TENT5C: variants seen among roughly 807,000 people sequenced by gnomAD.
TENT5C encodes the protein terminal nucleotidyltransferase 5C.
TENT5C carries 5 observed loss-of-function variants against 22.2 expected under a neutral mutation model. The observed-to-expected ratio is 0.22, with a 90% confidence interval of 0.12 to 0.47. The LOEUF (loss-of-function observed/expected upper bound fraction) is 0.47, where lower values mean the gene tolerates loss of function less well. Among genes scored for constraint, TENT5C ranks in the 20% least tolerant of loss-of-function variants. The pLI is 0.99. For missense variants in TENT5C, 364 were observed against 500.9 expected (o/e 0.73, Z 2.61); for synonymous variants, 199 against 195.4 (o/e 1.02, Z -0.15).
chr1:117,616,544 G>A (rs1351298220), intron 1 of TENT5C, among the ~76,000 whole-genome samples: 3 of 152,204 alleles, frequency 2.0e-5, no homozygotes, highest in Non-Finnish European at 4.4e-5. Context: ...CTGTTGGCCA[G>A]GAGCCAGGGC....
At chr1:117,611,048 C>G (rs1264635719) in intron 1 of TENT5C, among the ~76,000 whole-genome samples, 1 of 152,198 alleles carries the variant, frequency 6.6e-6, no homozygotes, top group Non-Finnish European at 1.5e-5. Flanking sequence ...AGAGGTAACC[C>G]TCCACCTTTC....
intron 1 of TENT5C, among the ~76,000 whole-genome samples, chr1:117,611,401 A>T (rs1653669104): frequency 6.6e-6 from 1 of 152,128 alleles, no homozygotes; most frequent in African/African-American, 2.4e-5. Flanking sequence ...CTGTGGGGAG[A>T]CCTGGGCTCT....
intron 1 of TENT5C, among the ~76,000 whole-genome samples, chr1:117,616,585 T>G (rs1210820062): frequency 6.6e-6 from 1 of 152,180 alleles, no homozygotes; most frequent in African/African-American, 2.4e-5. Context: ...GGTACACACT[T>G]CTCTTGGAGT....
chr1:117,623,622 G>C lies in TENT5C; in HGVS notation c.754G>C (p.Val252Leu), dbSNP rs915278770. 24 of 1,613,408 alleles carry C rather than the reference G, an allele frequency of 1.5e-5. No individual in the cohort carries two copies. The highest frequency in any genetic ancestry group is 1.9e-5 in the Non-Finnish European group (23 of 1,179,942). Reference protein sequence around the residue: ...GGLLKYSNLLVRDFRPTDQEE... With the variant: ...GGLLKYSNLLLRDFRPTDQEE... ...ACTTCTCAAGTACAGCAACCTTCTT[G>C]TGCGGGACTTCAGGCCCACAGACCA... Residue 252 changes from valine (V) to leucine (L), a missense_variant, in exon 2 of 2, where the codon GTG (valine) becomes CTG (leucine). Val to Leu is a conservative substitution (Grantham distance 32). Transcript: ENST00000369448.
At chr1:117,619,231 C>T (rs766054812) in intron 1 of TENT5C, among the ~76,000 whole-genome samples, 10 of 152,052 alleles carry the variant, frequency 6.6e-5, no homozygotes, top group Non-Finnish European at 1.3e-4. Context: ...GTCTTGTGTC[C>T]GGAGAGAGCC....
At position 117,623,163 on chromosome 1, in the gene TENT5C, C is replaced by T. The variant is rs1302106502; in HGVS notation, c.295C>T (p.Leu99Phe). ...CCTGGACCTAATCTTCCATGTGGCT[C>T]TTCCAACAGAGGCAGAATTTCAGCT... is the stretch of plus-strand genomic sequence containing the variant. ...KDLDLIFHVA[L>F]PTEAEFQLVR... Residue 99 changes from leucine (L) to phenylalanine (F), a missense_variant, in exon 2 of 2, where the codon CTT becomes TTT. Around this residue, in one of 3 missense-constraint regions of TENT5C, gnomAD observed 303 missense variants for 394.5 expected, o/e 0.77. Coordinates refer to ENST00000369448, the MANE Select transcript of TENT5C (RefSeq NM_017709.4). The T allele has an allele frequency of 3.7e-6, 6 of 1,614,186 alleles. No individual in the cohort carries two copies. The highest frequency in any genetic ancestry group is 1.1e-5 in the South Asian group (1 of 91,080).
intron 1 of TENT5C, among the ~76,000 whole-genome samples, chr1:117,616,090 A>G (rs1355851757): frequency 2.0e-5 from 3 of 152,192 alleles, no homozygotes; most frequent in African/African-American, 7.2e-5. Context: ...GCTTGGTGGA[A>G]GGGAGTCAGC....
chr1:117,607,036 C>T (rs940108976), intron 1 of TENT5C, among the ~76,000 whole-genome samples: 2 of 152,204 alleles, frequency 1.3e-5, no homozygotes, highest in African/African-American at 4.8e-5. Context: ...GGACTCCCTT[C>T]GCACTGGTCG....
At chr1:117,618,409 T>C (rs537162798) in intron 1 of TENT5C, among the ~76,000 whole-genome samples, 1 of 152,194 alleles carries the variant, frequency 6.6e-6, no homozygotes, top group African/African-American at 2.4e-5. Flanking sequence ...TTTTTTTTAA[T>C]GAGCATCTTT....
chr1:117,606,589 T>A (rs1653540732), intron 1 of TENT5C, among the ~76,000 whole-genome samples: 1 of 152,088 alleles, frequency 6.6e-6, no homozygotes, highest in African/African-American at 2.4e-5. Flanking sequence ...CTTCCTGGCT[T>A]GCAGTCCCTC....
intron 1 of TENT5C, among the ~76,000 whole-genome samples, chr1:117,615,605 A>G (rs1165572302): frequency 6.6e-6 from 1 of 152,232 alleles, no homozygotes; most frequent in African/African-American, 2.4e-5. Context: ...GGCTGCCGCC[A>G]TGTGAAGAGC....
At chr1:117,617,746 A>G (rs990733537) in intron 1 of TENT5C, among the ~76,000 whole-genome samples, 1 of 152,246 alleles carries the variant, frequency 6.6e-6, no homozygotes, top group Admixed American at 6.5e-5. Flanking sequence ...TATGGGGATT[A>G]TATCAGTGTT....
chr1:117,623,707 A>T lies in TENT5C; in HGVS notation c.839A>T (p.Asp280Val). The part of the protein sequence containing the change: ...MCSRFFIDFP[D>V]ILEQQRKLET... The stretch of plus-strand genomic sequence containing the variant: ...TCCAGGTTCTTCATCGACTTCCCGG[A>T]CATCCTTGAACAGCAGAGGAAGTTG... Residue 280 changes from aspartate to valine, a missense_variant, in exon 2 of 2, where the codon GAC (aspartate) becomes GTC (valine). Transcript: ENST00000369448. 6.2e-7 allele frequency: 1 copy of T among 1,614,168 alleles called. No homozygotes were observed. Among genetic ancestry groups the T allele is most frequent in the Non-Finnish European group, 8.5e-7 (1 of 1,180,032 alleles).
chr1:117,607,559 A>G (rs1386139467), intron 1 of TENT5C, among the ~76,000 whole-genome samples: 1 of 152,196 alleles, frequency 6.6e-6, no homozygotes, highest in Non-Finnish European at 1.5e-5. Context: ...GATCCTCCCA[A>G]AGTACACTTC....
chr1:117,609,719 C>T (rs912032939), intron 1 of TENT5C, among the ~76,000 whole-genome samples: 4 of 152,196 alleles, frequency 2.6e-5, no homozygotes, highest in Non-Finnish European at 5.9e-5. Flanking sequence ...ATATGAGCGC[C>T]GGAAAGCGGA....
chr1:117,611,089 C>A (rs1262818562), intron 1 of TENT5C, among the ~76,000 whole-genome samples: 1 of 152,218 alleles, frequency 6.6e-6, no homozygotes, highest in African/African-American at 2.4e-5. Flanking sequence ...CCCAAACACA[C>A]TCTGTCCATC....
At position 117,623,540 on chromosome 1, in the gene TENT5C, C is replaced by G; in HGVS notation, c.672C>G (p.Asp224Glu). 1 of 1,614,002 alleles carries G rather than the reference C, an allele frequency of 6.2e-7. No individual in the cohort carries two copies. Among genetic ancestry groups the G allele is most frequent in the Non-Finnish European group, 8.5e-7 (1 of 1,179,998 alleles). Residue 224 changes from aspartate (D) to glutamate (E), a missense_variant, in exon 2 of 2, where the codon GAC (aspartate) becomes GAG (glutamate). Physicochemically the swap from Asp to Glu is conservative, Grantham distance 45. Coordinates refer to ENST00000369448, the MANE Select transcript of TENT5C (RefSeq NM_017709.4). ...ACGGGGACTTTGAGGAAGCTTTTGA[C>G]CATCTGCAGAACAGACTGATCGCCA... is the stretch of plus-strand genomic sequence containing the variant. ...SMYGDFEEAF[D>E]HLQNRLIATK...
intron 1 of TENT5C, among the ~76,000 whole-genome samples, chr1:117,622,365 G>A (rs1036691292): frequency 6.6e-6 from 1 of 150,522 alleles, no homozygotes; most frequent in Non-Finnish European, 1.5e-5. Context: ...GTGTCTGTGT[G>A]TGTTGTATAT....
intron 1 of TENT5C, among the ~76,000 whole-genome samples, chr1:117,615,162 C>G (rs1653754613): frequency 6.6e-6 from 1 of 152,204 alleles, no homozygotes; most frequent in Non-Finnish European, 1.5e-5. Flanking sequence ...GCGGTCTAGC[C>G]AAACTTCTTT....
Sources: allele counts gnomAD v4.1 joint callset (sites outside exome capture counted in the v4.1 genomes callset), GRCh38; gene constraint gnomAD v4.1.1; regional missense constraint gnomAD v4.1.1; transcripts MANE v1.5; gene names NCBI Gene and HGNC (gene_info 2026-07-23, HGNC 2026-07-21).